The following ACAD10 variants were observed in gnomAD, a reference collection of about 807,000 sequenced individuals.
ACAD10 encodes the protein ACAD-10.
Under a neutral mutation model 116.8 loss-of-function variants are expected in ACAD10, and 112 were observed. That is an observed-to-expected ratio of 0.96 (90% CI 0.82 to 1.12). The LOEUF (loss-of-function observed/expected upper bound fraction) is 1.12, where lower values mean the gene tolerates loss of function less well. Among genes scored for constraint, ACAD10 ranks in the 50% most tolerant of loss-of-function variants. The probability of loss-of-function intolerance (pLI) is 0.00; values close to 1 mark genes in which losing one functional copy is unlikely to be tolerated. For missense variants in ACAD10, 1,259 were observed against 1,350.2 expected, an observed-to-expected ratio of 0.93 and a Z score of 1.06; for synonymous variants, 486 against 510.6, an observed-to-expected ratio of 0.95 and a Z score of 0.65.
chr12:111,689,408 C>G (rs192586530), intron 1 of ACAD10, among the ~76,000 whole-genome samples: 3 of 151,368 alleles, frequency 2.0e-5, no homozygotes, highest in Admixed American at 6.6e-5. Flanking sequence ...TCTATAACCC[C>G]GGCTGGAATG....
At chr12:111,753,443 G>C (rs1384908097) in intron 18 of ACAD10, 1 of 524,304 alleles carries the variant, frequency 1.9e-6, no homozygotes, top group East Asian at 4.8e-5. Context: ...TGCTGGCTCA[G>C]ATCTATAACT....
intron 18 of ACAD10, among the ~76,000 whole-genome samples, chr12:111,750,095 GT>G (rs199931703): frequency 0.013 from 1,692 of 132,204 alleles, 33 homozygotes; most frequent in African/African-American, 0.042. Flanking sequence ...AGTTTTTTTT[GT>G]TTTTTTTTTT....
intron 8 of ACAD10, among the ~76,000 whole-genome samples, chr12:111,724,879 C>A (rs1417238149): frequency 2.0e-5 from 3 of 150,758 alleles, no homozygotes; most frequent in African/African-American, 4.9e-5. Context: ...AGAGGGAGAC[C>A]GTGGAAAGAG....
At chr12:111,697,045 C>T (rs888060652) in intron 2 of ACAD10, among the ~76,000 whole-genome samples, 7 of 151,364 alleles carry the variant, frequency 4.6e-5, no homozygotes, top group African/African-American at 1.7e-4. Flanking sequence ...GGCACCACTG[C>T]ACTCCAACCT....
chr12:111,711,630 T>A (rs1439192593), intron 5 of ACAD10, among the ~76,000 whole-genome samples: 1 of 151,226 alleles, frequency 6.6e-6, no homozygotes, highest in East Asian at 1.9e-4. Flanking sequence ...GTTCGCACCA[T>A]TCTCCTGCCT....
intron 7 of ACAD10, among the ~76,000 whole-genome samples, chr12:111,719,000 G>A (rs1021329384): frequency 2.6e-5 from 4 of 151,832 alleles, no homozygotes; most frequent in Admixed American, 6.6e-5. Context: ...AGCCAATCTC[G>A]AGGCTGAGGC....
At chr12:111,734,398 C>T (rs1362898459) in intron 11 of ACAD10, among the ~76,000 whole-genome samples, 5 of 152,126 alleles carry the variant, frequency 3.3e-5, no homozygotes, top group Non-Finnish European at 7.4e-5. Context: ...GAGGCCAAGG[C>T]GGGTGGATCA....
intron 19 of ACAD10, among the ~76,000 whole-genome samples, 156 bp downstream of exon 19, chr12:111,754,071 A>C (rs191725475): frequency 1.7e-4 from 26 of 152,352 alleles, no homozygotes; most frequent in African/African-American, 6.0e-4. Flanking sequence ...AGGCACAAGA[A>C]GAGAGGACTG....
At chr12:111,713,350 C>T (rs370476256) in intron 6 of ACAD10, among the ~76,000 whole-genome samples, 1 of 146,312 alleles carries the variant, frequency 6.8e-6, no homozygotes, top group African/African-American at 2.5e-5. Context: ...CTGACCGGGG[C>T]GTAGTGGCTC....
intron 5 of ACAD10, 43 bp from the exon 6 acceptor site, chr12:111,712,452 TAAC>T (rs781246381): frequency 3.9e-6 from 6 of 1,558,264 alleles, no homozygotes; most frequent in South Asian, 3.5e-5. Context: ...AAGGGAAAAA[TAAC>T]AACAACAAAA....
At chr12:111,687,904 C>G (rs1887922142) in intron 1 of ACAD10, among the ~76,000 whole-genome samples, 1 of 151,758 alleles carries the variant, frequency 6.6e-6, no homozygotes, top group Non-Finnish European at 1.5e-5. Context: ...GAGTCTCACT[C>G]TGTCGCCCAG....
At chr12:111,706,306 C>T (rs1486571574) in intron 4 of ACAD10, among the ~76,000 whole-genome samples, 1 of 152,112 alleles carries the variant, frequency 6.6e-6, no homozygotes, top group Non-Finnish European at 1.5e-5. Flanking sequence ...CCAGTGCTGT[C>T]CAATAAAATT....
intron 3 of ACAD10, among the ~76,000 whole-genome samples, chr12:111,705,345 C>T (rs1443905756): frequency 6.6e-6 from 1 of 152,134 alleles, no homozygotes; most frequent in Non-Finnish European, 1.5e-5. Flanking sequence ...CCCACCTCAG[C>T]CTCCTGAGTA....
chr12:111,736,090 A>G (rs1162013119), intron 11 of ACAD10, among the ~76,000 whole-genome samples: 2 of 151,266 alleles, frequency 1.3e-5, no homozygotes, highest in African/African-American at 4.9e-5. Flanking sequence ...CATGTTGGCC[A>G]GGCTGGTGTC....
At chr12:111,736,780 G>A in intron 11 of ACAD10, 51 bp from the exon 12 acceptor site, 4 of 1,559,136 alleles carry the variant, frequency 2.6e-6, no homozygotes, top group Non-Finnish European at 8.7e-7. Context: ...GCCAGCCACA[G>A]GGGCGTGTCA....
chr12:111,751,369 G>A (rs73203694), intron 18 of ACAD10, among the ~76,000 whole-genome samples: 20 of 152,242 alleles, frequency 1.3e-4, no homozygotes, highest in Non-Finnish European at 2.6e-4. Context: ...CTGAGAGGCC[G>A]AGGCAGGCAG....
At chr12:111,700,950 G>A (rs1376123499) in intron 2 of ACAD10, among the ~76,000 whole-genome samples, 2 of 151,514 alleles carry the variant, frequency 1.3e-5, no homozygotes, top group African/African-American at 4.9e-5. Flanking sequence ...CTAGAGACAG[G>A]GTTTAATCAT....
chr12:111,705,510 A>G (rs1008919182), intron 3 of ACAD10, among the ~76,000 whole-genome samples: 4 of 152,242 alleles, frequency 2.6e-5, no homozygotes, highest in African/African-American at 9.6e-5. Context: ...GGTGTGAGCC[A>G]CTGTGCCCAG....
Position 111,736,922 on chromosome 12 carries a change from T to G in ACAD10, c.1632T>G (p.Thr544=), listed in dbSNP as rs775717285. 2 of 1,614,194 alleles carry G rather than the reference T, an allele frequency of 1.2e-6. No homozygotes were observed. The highest frequency in any genetic ancestry group is 3.3e-5 in the Admixed American group (2 of 60,026). The change falls in exon 12 of 21, where the codon ACT becomes ACG. Residue 544 remains threonine, a synonymous_variant. Transcript: ENST00000313698. ...MYCLQMGLPP[T]ENWNFYMAFS... The stretch of plus-strand genomic sequence containing the variant: ...GTCTCCAAATGGGGCTCCCTCCCAC[T>G]GAGAACTGGAACTTCTATATGGCTT...
Sources: gnomAD v4.1 joint callset for allele counts (sites outside exome capture counted in the v4.1 genomes callset) on GRCh38, gnomAD v4.1.1 for gene constraint, MANE v1.5 for transcripts, NCBI Gene and HGNC (gene_info 2026-07-23, HGNC 2026-07-21) for gene names.